Variants in GRIA1 observed in about 807,000 individuals in gnomAD.
GRIA1 encodes glutamate receptor 1.
Under a neutral mutation model 99.2 loss-of-function variants are expected in GRIA1, and 31 were observed. The ratio of observed to expected loss-of-function variants is 0.31; its 90% CI spans 0.23 to 0.42. GRIA1 has a LOEUF of 0.42. Ranked by LOEUF, GRIA1 falls within the 10% of genes least tolerant of loss-of-function variation. The pLI is 1.00. For synonymous variants in GRIA1, 438 were observed against 432.4 expected (o/e 1.01, Z -0.16); for missense variants, 782 against 1,157.5 (o/e 0.68, Z 4.71).
At chr5:153,653,050 C>T (rs574925097) in intron 4 of GRIA1, among the ~76,000 whole-genome samples, 30 of 152,116 alleles carry the variant, frequency 2.0e-4, no homozygotes, top group Non-Finnish European at 4.4e-5. Flanking sequence ...GTCTCCAGCC[C>T]CCACCCAACT....
chr5:153,521,163 A>G (rs986345980), intron 2 of GRIA1, among the ~76,000 whole-genome samples: 6 of 152,248 alleles, frequency 3.9e-5, no homozygotes, highest in African/African-American at 1.4e-4. Flanking sequence ...CTTGGCATGA[A>G]GGATGGAAAG....
chr5:153,607,065 AT>A lies in GRIA1; in HGVS notation c.221-39862del, dbSNP rs1561684254. Among the ~76,000 whole-genome samples the A allele has an allele frequency of 1.2e-4, 18 of 147,442 alleles. No homozygotes were observed. The East Asian group carries it at 2.9e-3, about 24-fold the overall frequency. On this transcript the variant is annotated intron_variant, in intron 2 of 15. Coordinates refer to ENST00000285900, the MANE Select transcript of GRIA1 (RefSeq NM_000827.4). ...AAGATATATATATATATATATATAT[AT>A]ATAATCACAGTTTCTTTATCCACTC...
intron 12 of GRIA1, among the ~76,000 whole-genome samples, chr5:153,767,904 C>T (rs1581623583): frequency 6.6e-6 from 1 of 152,182 alleles, no homozygotes; most frequent in Admixed American, 6.5e-5. Flanking sequence ...TAGTTCATCC[C>T]AAGTGTCTGT....
At chr5:153,808,773 T>A (rs188895983) in intron 15 of GRIA1, among the ~76,000 whole-genome samples, 1 of 152,332 alleles carries the variant, frequency 6.6e-6, no homozygotes, top group Non-Finnish European at 1.5e-5. Context: ...TTCATAAATG[T>A]ATTCAAAAAG....
At chr5:153,733,423 C>T (rs763868173) in intron 11 of GRIA1, among the ~76,000 whole-genome samples, 1 of 151,986 alleles carries the variant, frequency 6.6e-6, no homozygotes, top group Non-Finnish European at 1.5e-5. Flanking sequence ...TACAGAAAAT[C>T]ATCAAATCAC....
At chr5:153,553,210 C>A (rs773300781) in intron 2 of GRIA1, among the ~76,000 whole-genome samples, 2 of 152,212 alleles carry the variant, frequency 1.3e-5, no homozygotes, top group Non-Finnish European at 2.9e-5. Context: ...AACATTATTT[C>A]ACCCTGGTGA....
At chr5:153,792,304 ACT>A (rs1765347975) in intron 13 of GRIA1, among the ~76,000 whole-genome samples, 1 of 152,168 alleles carries the variant, frequency 6.6e-6, no homozygotes, top group African/African-American at 2.4e-5. Flanking sequence ...ACTTCTTCAC[ACT>A]ATTGACCCCA....
intron 2 of GRIA1, among the ~76,000 whole-genome samples, chr5:153,624,100 C>A (rs1370411746): frequency 3.9e-5 from 6 of 152,174 alleles, no homozygotes; most frequent in African/African-American, 1.4e-4. Flanking sequence ...TTCACTTTCC[C>A]CAGCTCACCT....
intron 11 of GRIA1, among the ~76,000 whole-genome samples, chr5:153,730,193 A>G (rs1760906318): frequency 6.6e-6 from 1 of 152,034 alleles, no homozygotes; most frequent in African/African-American, 2.4e-5. Flanking sequence ...GGTGAGGCCT[A>G]AGAATTTTTA....
At chr5:153,541,268 T>C (rs1439835453) in intron 2 of GRIA1, among the ~76,000 whole-genome samples, 1 of 152,184 alleles carries the variant, frequency 6.6e-6, no homozygotes, top group African/African-American at 2.4e-5. Context: ...TTCTGACCAC[T>C]CAACTTCCCC....
intron 2 of GRIA1, among the ~76,000 whole-genome samples, chr5:153,538,830 G>T (rs1581196768): frequency 6.6e-6 from 1 of 152,132 alleles, no homozygotes; most frequent in East Asian, 1.9e-4. Flanking sequence ...GCGTTCATAT[G>T]GTATCATTTG....
chr5:153,491,113 TG>T, intron 1 of GRIA1, 143 bp downstream of exon 1: 2 of 1,029,678 alleles, frequency 1.9e-6, no homozygotes, highest in Non-Finnish European at 2.9e-6. Context: ...AAGGGAGACT[TG>T]GGCTTACAGC....
intron 2 of GRIA1, among the ~76,000 whole-genome samples, chr5:153,533,170 CT>C (rs943361369): frequency 1.1e-4 from 16 of 152,308 alleles, no homozygotes; most frequent in African/African-American, 3.4e-4. Context: ...AGTTCTGTGA[CT>C]TTCACCAGGA....
chr5:153,757,369 G>A (rs1004737149), intron 11 of GRIA1, among the ~76,000 whole-genome samples: 4 of 152,152 alleles, frequency 2.6e-5, no homozygotes, highest in African/African-American at 9.7e-5. Context: ...ACACAAAAGG[G>A]TAGATGGCTT....
Position 153,781,395 on chromosome 5 carries a change from C to A in GRIA1, c.2270+10980C>A, listed in dbSNP as rs1764618860. ...ATAGTTGCATTAGTCAAGCCAGTCT[C>A]CCTGTGGCCCACAAACACAACTTTC... On this transcript the variant is annotated intron_variant, in intron 13 of 15. Coordinates refer to ENST00000285900, the MANE Select transcript of GRIA1 (RefSeq NM_000827.4). Among the ~76,000 whole-genome samples, 4 of 152,100 alleles carry A rather than the reference C, an allele frequency of 2.6e-5. No homozygotes were observed. The South Asian group carries it at 8.3e-4, about 32-fold the overall frequency.
chr5:153,776,119 C>A (rs140581353), intron 13 of GRIA1, among the ~76,000 whole-genome samples: 1 of 152,012 alleles, frequency 6.6e-6, no homozygotes, highest in Admixed American at 6.6e-5. Context: ...CGGTGGTTTG[C>A]GATACGCATC....
intron 12 of GRIA1, among the ~76,000 whole-genome samples, chr5:153,769,368 G>C (rs1004320254): frequency 6.6e-6 from 1 of 152,090 alleles, no homozygotes; most frequent in African/African-American, 2.4e-5. Flanking sequence ...GTGCCTACTA[G>C]AGTCTAAAAA....
chr5:153,725,311 C>T (rs2149547899), intron 11 of GRIA1, among the ~76,000 whole-genome samples: 1 of 151,768 alleles, frequency 6.6e-6, no homozygotes, highest in African/African-American at 2.4e-5. Context: ...TTGTAAAGAC[C>T]ATCAAGGCTA....
intron 2 of GRIA1, among the ~76,000 whole-genome samples, chr5:153,636,152 C>T (rs572409933): frequency 1.4e-4 from 21 of 152,274 alleles, no homozygotes; most frequent in Admixed American, 2.6e-4. Flanking sequence ...AAAAGGAATA[C>T]GTGGGCTCAG....
Sources: gnomAD v4.1 joint callset for allele counts (sites outside exome capture counted in the v4.1 genomes callset) on GRCh38, gnomAD v4.1.1 for gene constraint, MANE v1.5 for transcripts, NCBI Gene and HGNC (gene_info 2026-07-23, HGNC 2026-07-21) for gene names.